Variants in GPRIN3 observed in about 807,000 individuals in gnomAD.
GPRIN3 encodes G protein-regulated inducer of neurite outgrowth 3.
A neutral mutation model predicts 13.7 loss-of-function variants in GPRIN3; 12 were observed. The observed-to-expected ratio is 0.87, with a 90% CI of 0.56 to 1.42. GPRIN3 has a LOEUF of 1.42. GPRIN3 is among the 40% of genes most tolerant of loss of function. GPRIN3 has a pLI of 0.00. For synonymous variants in GPRIN3, 377 were observed against 372.7 expected, an observed-to-expected ratio of 1.01 and a Z score of -0.13; for missense variants, 1,009 against 958.7, an observed-to-expected ratio of 1.05 and a Z score of -0.69.
At chr4:89,294,377 C>T (rs1333282252) in intron 1 of GPRIN3, among the ~76,000 whole-genome samples, 2 of 152,148 alleles carry the variant, frequency 1.3e-5, no homozygotes, top group African/African-American at 4.8e-5. Context: ...TGAGACCCAA[C>T]TCCTCTAAGA....
At chr4:89,287,333 T>G (rs928366507) in intron 1 of GPRIN3, among the ~76,000 whole-genome samples, 2 of 152,186 alleles carry the variant, frequency 1.3e-5, no homozygotes, top group Non-Finnish European at 2.9e-5. Context: ...TTTTAAAAAA[T>G]GCATATAATT....
chr4:89,253,794 A>G (rs893377807), intron 1 of GPRIN3, among the ~76,000 whole-genome samples: 1 of 152,222 alleles, frequency 6.6e-6, no homozygotes, highest in African/African-American at 2.4e-5. Flanking sequence ...CTCTGTATTT[A>G]TGCATAGATA....
At chr4:89,282,956 T>C (rs1204043964) in intron 1 of GPRIN3, among the ~76,000 whole-genome samples, 1 of 152,188 alleles carries the variant, frequency 6.6e-6, no homozygotes, top group East Asian at 1.9e-4. Flanking sequence ...TGCGATTATG[T>C]TACCCTCAGA....
chr4:89,262,521 C>T (rs879384032), intron 1 of GPRIN3, among the ~76,000 whole-genome samples: 25 of 152,312 alleles, frequency 1.6e-4, no homozygotes, highest in Admixed American at 1.0e-3. Flanking sequence ...TGCACGCTGA[C>T]GTTTCTGTCA....
rs1722885398 is a variant in GPRIN3 at position 89,240,119 on chromosome 4, A to G, written c.*7661T>C. 6.6e-6 allele frequency: 1 copy of G among 152,232 alleles called. No homozygotes were observed. The highest frequency in any genetic ancestry group is 2.4e-5 in the African/African-American group (1 of 41,464). 9.4% of individuals were successfully genotyped at this position (152,232 alleles called of 1,614,324 possible). On this transcript the variant is annotated 3_prime_UTR_variant, in exon 2 of 2. Transcript: ENST00000609438. ...AATGAGATAAATTCGAACAATATCA[A>G]TTAACTGGTTGGAATTATGATAAGC...
chr4:89,295,640 CA>C (rs1724711525), intron 1 of GPRIN3, among the ~76,000 whole-genome samples: 1 of 151,984 alleles, frequency 6.6e-6, no homozygotes, highest in African/African-American at 2.4e-5. Context: ...AAGAAGAAAA[CA>C]AGCAAGATTT....
chr4:89,264,035 C>A (rs749826359), intron 1 of GPRIN3, among the ~76,000 whole-genome samples: 2 of 152,178 alleles, frequency 1.3e-5, no homozygotes, highest in Admixed American at 1.3e-4. Context: ...TCTTCTATAT[C>A]AGTTTGTTTT....
In GPRIN3 at chr4:89,301,199, C is replaced by T. The variant is rs146908226; in HGVS notation, c.-124+6416G>A. On this transcript the variant is annotated intron_variant, in intron 1 of 1. Coordinates refer to ENST00000609438, the MANE Select transcript of GPRIN3 (RefSeq NM_198281.3). ...GCGATGTAATGGCAAAGGCAAAGATCAAACTCCAAGAAAGTGGAACTCACA... is the reference window on the plus strand; with the variant it reads ...GCGATGTAATGGCAAAGGCAAAGATTAAACTCCAAGAAAGTGGAACTCACA... Among the ~76,000 whole-genome samples the T allele has an allele frequency of 5.9e-5, 9 of 152,206 alleles. No homozygotes were observed. The East Asian group carries it at 9.7e-4, about 16-fold the overall frequency.
rs760189784 is a variant in GPRIN3, at chr4:89,242,036, C to G, written c.*5744G>C. 1.3e-5 allele frequency: 2 copies of G among 152,180 alleles called. No individual in the cohort carries two copies. Among genetic ancestry groups the G allele is most frequent in the Admixed American group, 6.5e-5 (1 of 15,290 alleles). 9.4% of individuals were successfully genotyped at this position (152,180 alleles called of 1,614,324 possible). A position where few individuals can be genotyped will look rare whatever the true frequency, so the allele number is the denominator to read the frequency against. ...GAGATCAAGAAAGCTGTTAGCAATT[C>G]TCTCCCATTTAATTCTTTCTAACAT... On this transcript the variant is annotated 3_prime_UTR_variant, in exon 2 of 2. Coordinates refer to ENST00000609438, the MANE Select transcript of GPRIN3 (RefSeq NM_198281.3).
At position 89,247,444 on chromosome 4, in the gene GPRIN3, A is replaced by G. The variant is rs533909704; in HGVS notation, c.*336T>C. On this transcript the variant is annotated 3_prime_UTR_variant, in exon 2 of 2. Coordinates refer to ENST00000609438, the MANE Select transcript of GPRIN3 (RefSeq NM_198281.3). The stretch of plus-strand genomic sequence containing the variant: ...TACTGTGTGATAAATTGAGGCAGTT[A>G]TACAAAATAATACATGTATAATGAT... 1.2e-3 allele frequency: 236 copies of G among 197,196 alleles called. No homozygotes were observed. The highest frequency in any genetic ancestry group is 5.3e-3 in the African/African-American group (226 of 42,944). 12.2% of individuals were successfully genotyped at this position (197,196 alleles called of 1,614,324 possible). A position where few individuals can be genotyped will look rare whatever the true frequency, so the allele number is the denominator to read the frequency against.
At chr4:89,277,933 T>A (rs1724137812) in intron 1 of GPRIN3, among the ~76,000 whole-genome samples, 2 of 152,208 alleles carry the variant, frequency 1.3e-5, no homozygotes, top group South Asian at 4.1e-4. Flanking sequence ...GCTCCTCAGC[T>A]CAGATCTATA....
intron 1 of GPRIN3, among the ~76,000 whole-genome samples, chr4:89,270,583 A>AT (rs1386627617): frequency 6.2e-5 from 5 of 80,562 alleles, no homozygotes; most frequent in South Asian, 4.3e-4. Flanking sequence ...ATATATATAT[A>AT]TATATATATA....
chr4:89,305,432 C>T (rs1422166752), intron 1 of GPRIN3, among the ~76,000 whole-genome samples: 2 of 152,150 alleles, frequency 1.3e-5, no homozygotes, highest in Admixed American at 1.3e-4. Context: ...ATTCCACAAT[C>T]TAGGACCATG....
intron 1 of GPRIN3, among the ~76,000 whole-genome samples, chr4:89,251,826 A>G (rs1196026371): frequency 6.6e-6 from 1 of 152,212 alleles, no homozygotes. Context: ...GGAATGAGAC[A>G]TATTAGGTGT....
chr4:89,275,360 A>G (rs1002287622), intron 1 of GPRIN3, among the ~76,000 whole-genome samples: 2 of 152,194 alleles, frequency 1.3e-5, no homozygotes, highest in African/African-American at 2.4e-5. Flanking sequence ...ATATTTTGCT[A>G]GTCAAGATAT....
intron 1 of GPRIN3, among the ~76,000 whole-genome samples, chr4:89,281,070 G>A (rs1031708750): frequency 1.3e-5 from 2 of 151,858 alleles, no homozygotes; most frequent in African/African-American, 4.8e-5. Context: ...GGGGGGATAA[G>A]CACATCACAT....
intron 1 of GPRIN3, chr4:89,250,643 TAAG>T (rs1723302456): frequency 6.6e-6 from 1 of 152,124 alleles, no homozygotes; most frequent in South Asian, 2.1e-4. Flanking sequence ...ATATGTGAAA[TAAG>T]AAATCTAGGG....
chr4:89,279,883 A>G (rs554913832), intron 1 of GPRIN3, among the ~76,000 whole-genome samples: 1 of 152,190 alleles, frequency 6.6e-6, no homozygotes, highest in African/African-American at 2.4e-5. Context: ...CTAATTACTT[A>G]TATGTTCATA....
intron 1 of GPRIN3, among the ~76,000 whole-genome samples, chr4:89,290,231 A>T (rs1359502036): frequency 6.6e-6 from 1 of 151,864 alleles, no homozygotes; most frequent in Non-Finnish European, 1.5e-5. Flanking sequence ...AGGCCTCCCA[A>T]AGTGCTGGGA....
Sources: allele counts gnomAD v4.1 joint callset (sites outside exome capture counted in the v4.1 genomes callset), GRCh38; gene constraint gnomAD v4.1.1; transcripts MANE v1.5; gene names NCBI Gene and HGNC (gene_info 2026-07-23, HGNC 2026-07-21).